The following UBN2 variants were observed in gnomAD, a reference collection of about 807,000 sequenced individuals.
UBN2 encodes ubinuclein 2.
UBN2 carries 35 observed loss-of-function variants against 120.2 expected under a neutral mutation model. That is an observed-to-expected ratio of 0.29 (90% CI 0.22 to 0.39). The LOEUF (loss-of-function observed/expected upper bound fraction) is 0.39, where lower values mean the gene tolerates loss of function less well. UBN2 is among the 10% of genes least tolerant of loss of function. UBN2 has a pLI of 1.00. For synonymous variants in UBN2, 661 were observed against 648.7 expected (o/e 1.02, Z -0.29); for missense variants, 1,693 against 1,663.2 (o/e 1.02, Z -0.31).
chr7:139,249,557 T>C (rs1449589813), intron 2 of UBN2, among the ~76,000 whole-genome samples: 1 of 152,208 alleles, frequency 6.6e-6, no homozygotes, highest in Non-Finnish European at 1.5e-5. Context: ...ACACTTTTCA[T>C]TGAGAGGTAT....
chr7:139,261,866 T>A, intron 6 of UBN2, 125 bp downstream of exon 6: 1 of 974,748 alleles, frequency 1.0e-6, no homozygotes, highest in Non-Finnish European at 1.5e-6. Context: ...AAGATAAAAA[T>A]AATAAACTAC....
intron 1 of UBN2, among the ~76,000 whole-genome samples, chr7:139,232,446 G>C (rs886775412): frequency 6.6e-6 from 1 of 152,188 alleles, no homozygotes; most frequent in African/African-American, 2.4e-5. Context: ...GCTGGGCGCC[G>C]TGGCTGCTGA....
chr7:139,250,314 C>T (rs553747283), intron 2 of UBN2, among the ~76,000 whole-genome samples: 56 of 152,142 alleles, frequency 3.7e-4, no homozygotes, highest in Admixed American at 1.8e-3. Context: ...CTCACTGCAA[C>T]GTCCGCCTCC....
downstream of UBN2, among the ~76,000 whole-genome samples, chr7:139,309,638 A>C (rs1798422027): frequency 6.6e-6 from 1 of 152,230 alleles, no homozygotes; most frequent in Non-Finnish European, 1.5e-5. Flanking sequence ...AAGGTGGCCA[A>C]GGCCGGTGGA....
At chr7:139,282,616 A>G (rs62485946) in intron 14 of UBN2, among the ~76,000 whole-genome samples, 2 of 152,186 alleles carry the variant, frequency 1.3e-5, no homozygotes, top group Non-Finnish European at 2.9e-5. Flanking sequence ...TCAGCCTCCT[A>G]GCAAACCATC....
chr7:139,271,261 T>A (rs531387670), intron 8 of UBN2, among the ~76,000 whole-genome samples: 2 of 152,322 alleles, frequency 1.3e-5, no homozygotes, highest in South Asian at 4.1e-4. Context: ...ATTTGTGTTT[T>A]AAAAATCTTT....
rs771260336 is a variant in UBN2 at position 139,297,780 on chromosome 7, T to C, written c.3995-7T>C. On this transcript the variant is annotated splice_region_variant and splice_polypyrimidine_tract_variant and intron_variant, in intron 17 of 17. Coordinates refer to ENST00000473989, the MANE Select transcript of UBN2 (RefSeq NM_173569.4). ...ACCCATACCAATTTAACGTCTCTTT[T>C]TCTCAGATGGAGGCCAAAGTAAAGG... is the stretch of plus-strand genomic sequence containing the variant. 2.5e-6 allele frequency: 4 copies of C among 1,614,134 alleles called. No homozygotes were observed. The highest frequency in any genetic ancestry group is 1.7e-4 in the Middle Eastern group (1 of 6,060).
intron 7 of UBN2, among the ~76,000 whole-genome samples, chr7:139,267,558 G>A (rs550967830): frequency 1.3e-3 from 200 of 151,108 alleles, no homozygotes; most frequent in Non-Finnish European, 2.4e-3. Flanking sequence ...AAGAGAGAAA[G>A]AGAGAAGGAA....
the UBN2 span, among the ~76,000 whole-genome samples, chr7:139,325,033 A>G: frequency 6.6e-6 from 1 of 152,202 alleles, no homozygotes. Flanking sequence ...TCAATAAAAT[A>G]CACAATCATA....
chr7:139,329,081 A>G, the UBN2 span, among the ~76,000 whole-genome samples: 1 of 147,732 alleles, frequency 6.8e-6, no homozygotes, highest in African/African-American at 2.5e-5. Flanking sequence ...TCCAATCTCT[A>G]TTTTTTTTTT....
Position 139,283,470 on chromosome 7 carries a change from C to A in UBN2, c.2565C>A (p.Gly855=), listed in dbSNP as rs1166429403. 1 of 1,613,990 alleles carries A rather than the reference C, an allele frequency of 6.2e-7. No individual in the cohort carries two copies. The highest frequency in any genetic ancestry group is 2.2e-5 in the East Asian group (1 of 44,894). The change falls in exon 15 of 18, where the codon GGC becomes GGA. Residue 855 remains glycine (G), a synonymous_variant. Transcript: ENST00000473989. ...TAGCTCATACTGGCATCTCTTCAGG[C>A]CTTATTGCTGGTTCTTCCATTCAGA... ...QDLAHTGISS[G]LIAGSSIQNP...
intron 2 of UBN2, among the ~76,000 whole-genome samples, chr7:139,243,467 A>G (rs1796376650): frequency 6.6e-6 from 1 of 152,232 alleles, no homozygotes; most frequent in Non-Finnish European, 1.5e-5. Flanking sequence ...TCTTTCTAGT[A>G]GGGAAGATAG....
downstream of UBN2, among the ~76,000 whole-genome samples, chr7:139,310,969 T>G (rs541188739): frequency 1.3e-5 from 2 of 152,212 alleles, no homozygotes; most frequent in African/African-American, 4.8e-5. Context: ...ATATCGTTTA[T>G]ATATTTGCCA....
intron 2 of UBN2, among the ~76,000 whole-genome samples, chr7:139,250,557 AAAG>A (rs1391698898): frequency 3.2e-4 from 49 of 152,116 alleles, no homozygotes; most frequent in African/African-American, 9.6e-4. Context: ...AAAAAAAAAA[AAAG>A]AAGAACTACT....
rs190856358 is a variant in UBN2 at position 139,237,637 on chromosome 7, A to G, written c.561+540A>G. Among the ~76,000 whole-genome samples the G allele has an allele frequency of 2.3e-3, 347 of 152,304 alleles. 5 individuals are homozygous for G. Among genetic ancestry groups the G allele is most frequent in the Admixed American group, 0.02 (305 of 15,300 alleles). On this transcript the variant is annotated intron_variant, in intron 2 of 17. Transcript: ENST00000473989. ...AATCTTTGTAACAAAACCACAAGCT[A>G]AGTAATATTGACCATATTTTACAGA...
At chr7:139,250,566 C>G (rs74299959) in intron 2 of UBN2, among the ~76,000 whole-genome samples, 22,424 of 151,112 alleles carry the variant, frequency 0.15, 2,084 homozygotes, top group East Asian at 0.28. Context: ...AAAAGAAGAA[C>G]TACTGTAGAC....
intron 11 of UBN2, among the ~76,000 whole-genome samples, chr7:139,274,943 T>G (rs998738114): frequency 9.9e-5 from 15 of 151,752 alleles, no homozygotes; most frequent in Non-Finnish European, 1.8e-4. Context: ...TGTAGAGAGA[T>G]ATCTCAAGAA....
rs1333400643 is a variant in UBN2, at chr7:139,299,532, TTAA to T, written c.*1700_*1702del. On this transcript the variant is annotated 3_prime_UTR_variant, in exon 18 of 18. Transcript: ENST00000473989. ...ATTGGCTTGCTTCATAGCGAAAAAG[TTAA>T]TAAATAACTGAAAACTTTAGTTCCA... 1 of 152,118 alleles carries T rather than the reference TTAA, an allele frequency of 6.6e-6. No homozygotes were observed. The highest frequency in any genetic ancestry group is 2.4e-5 in the African/African-American group (1 of 41,432). The allele number at this position is 152,118 out of a possible 1,614,324, so 9.4% of individuals were successfully genotyped here.
In UBN2 at chr7:139,244,615, G is replaced by T. The variant is rs74540274; in HGVS notation, c.562-7341G>T. Reference sequence around the variant, plus strand: ...AAGTCTTCCTGCACCACTGCTTCCAGTTCTATCCCTTCTCTGTCGTAATGA... The same window carrying T: ...AAGTCTTCCTGCACCACTGCTTCCATTTCTATCCCTTCTCTGTCGTAATGA... On this transcript the variant is annotated intron_variant, in intron 2 of 17. Transcript: ENST00000473989. Among the ~76,000 whole-genome samples, 5 of 152,084 alleles carry T rather than the reference G, an allele frequency of 3.3e-5. No homozygotes were observed. The East Asian group carries it at 9.7e-4, about 29-fold the overall frequency.
Sources: allele counts gnomAD v4.1 joint callset (sites outside exome capture counted in the v4.1 genomes callset), GRCh38; gene constraint gnomAD v4.1.1; transcripts MANE v1.5; gene names NCBI Gene and HGNC (gene_info 2026-07-23, HGNC 2026-07-21).